CTNNA2: variants seen among roughly 807,000 people sequenced by gnomAD.
CTNNA2 encodes the protein catenin alpha 2.
Under a neutral mutation model 101.0 loss-of-function variants are expected in CTNNA2, and 42 were observed. That is an observed-to-expected ratio of 0.42 (90% CI 0.32 to 0.54). CTNNA2 has a LOEUF of 0.54. Among genes scored for constraint, CTNNA2 ranks in the 20% least tolerant of loss-of-function variants. The pLI, the probability that CTNNA2 is intolerant of heterozygous loss-of-function variation, is 0.14. For synonymous variants in CTNNA2, 450 were observed against 456.4 expected (o/e 0.99, Z 0.18); for missense variants, 871 against 1,223.1 (o/e 0.71, Z 4.29).
chr2:79,863,565 C>A (rs1328823141), intron 4 of CTNNA2, among the ~76,000 whole-genome samples: 2 of 152,138 alleles, frequency 1.3e-5, no homozygotes, highest in African/African-American at 4.8e-5. Context: ...GACAACACAA[C>A]CACTCAGTCA....
chr2:80,591,072 A>G (rs76149682), intron 15 of CTNNA2, among the ~76,000 whole-genome samples: 1,934 of 152,236 alleles, frequency 0.013, 40 homozygotes, highest in African/African-American at 0.042. Context: ...TCATGTTACT[A>G]GTTTTGATCA....
At chr2:80,168,821 T>C (rs1213984147) in intron 7 of CTNNA2, among the ~76,000 whole-genome samples, 1 of 152,068 alleles carries the variant, frequency 6.6e-6, no homozygotes, top group Non-Finnish European at 1.5e-5. Flanking sequence ...GATTCGAATG[T>C]ATAGTAGGGG....
chr2:80,580,184 T>A (rs1349892605), intron 13 of CTNNA2, among the ~76,000 whole-genome samples: 1 of 152,226 alleles, frequency 6.6e-6, no homozygotes, highest in Non-Finnish European at 1.5e-5. Context: ...GAAACCTGCG[T>A]GAGTTAGTGC....
At chr2:79,687,678 C>A (rs1457226659) in intron 2 of CTNNA2, 11 of 559,572 alleles carry the variant, frequency 2.0e-5, no homozygotes, top group African/African-American at 6.0e-5. Flanking sequence ...ATGAAAATAA[C>A]TTAAAAAACT....
chr2:79,235,632 G>A (rs1330915579), intron 2 of CTNNA2, among the ~76,000 whole-genome samples: 1 of 152,194 alleles, frequency 6.6e-6, no homozygotes, highest in Non-Finnish European at 1.5e-5. Flanking sequence ...ATAGGCCCAT[G>A]AACCCAAGCA....
At chr2:80,591,282 C>G (rs1329607308) in intron 15 of CTNNA2, among the ~76,000 whole-genome samples, 1 of 151,898 alleles carries the variant, frequency 6.6e-6, no homozygotes, top group Non-Finnish European at 1.5e-5. Context: ...AATGAAATGT[C>G]TAGGGAGCTA....
chr2:80,392,072 G>A (rs769580244), intron 7 of CTNNA2, among the ~76,000 whole-genome samples: 13 of 152,286 alleles, frequency 8.5e-5, no homozygotes, highest in South Asian at 2.1e-4. Flanking sequence ...TATGGAGAGC[G>A]GGTATGTATG....
chr2:79,300,490 A>C (rs990544151), intron 2 of CTNNA2, among the ~76,000 whole-genome samples: 1 of 152,208 alleles, frequency 6.6e-6, no homozygotes, highest in African/African-American at 2.4e-5. Context: ...GGGAAGGATC[A>C]TGTAGAATTC....
intron 4 of CTNNA2, among the ~76,000 whole-genome samples, chr2:79,495,747 G>A (rs1403253231): frequency 6.6e-6 from 1 of 152,030 alleles, no homozygotes; most frequent in Non-Finnish European, 1.5e-5. Context: ...GGTATATCCA[G>A]AAAAAGTAAT....
intron 2 of CTNNA2, among the ~76,000 whole-genome samples, chr2:79,706,825 T>C (rs1685413278): frequency 6.6e-6 from 1 of 152,150 alleles, no homozygotes; most frequent in African/African-American, 2.4e-5. Context: ...TTTGGAGCTG[T>C]GTACTTTCTT....
At position 79,951,441 on chromosome 2, in the gene CTNNA2, C is replaced by T. The variant is rs139848716; in HGVS notation, c.1056+41644C>T. Reference sequence around the variant, plus strand: ...CAGCACTTTCGGTGGCTGAGGTGGACGGATCACTTGAGGTCAGGATTCGAG... The same window carrying T: ...CAGCACTTTCGGTGGCTGAGGTGGATGGATCACTTGAGGTCAGGATTCGAG... On this transcript the variant is annotated intron_variant, in intron 7 of 18. Coordinates refer to ENST00000402739, the MANE Select transcript of CTNNA2 (RefSeq NM_001282597.3). 4.3e-3 allele frequency among the ~76,000 whole-genome samples: 653 copies of T among 152,026 alleles called. 6 individuals are homozygous for T. Among genetic ancestry groups the T allele is most frequent in the African/African-American group, 0.015 (606 of 41,448 alleles).
At chr2:80,214,904 G>A (rs926184546) in intron 7 of CTNNA2, among the ~76,000 whole-genome samples, 3 of 152,284 alleles carry the variant, frequency 2.0e-5, no homozygotes, top group African/African-American at 4.8e-5. Flanking sequence ...CCAATCAGAC[G>A]TAGATTTGGT....
chr2:80,293,146 G>A (rs1287023316), intron 7 of CTNNA2, among the ~76,000 whole-genome samples: 1 of 152,234 alleles, frequency 6.6e-6, no homozygotes, highest in Non-Finnish European at 1.5e-5. Flanking sequence ...AACAGAGTGA[G>A]TGGTTGTTCT....
chr2:80,468,067 A>G (rs1685001490), intron 9 of CTNNA2, among the ~76,000 whole-genome samples: 1 of 152,166 alleles, frequency 6.6e-6, no homozygotes, highest in South Asian at 2.1e-4. Flanking sequence ...TTCTGTTGCT[A>G]CCAGTGTCCT....
chr2:79,898,030 A>G (rs1684831674), intron 6 of CTNNA2, among the ~76,000 whole-genome samples: 1 of 152,200 alleles, frequency 6.6e-6, no homozygotes, highest in South Asian at 2.1e-4. Context: ...CCTTGGCAAC[A>G]CCTGAATTTT....
intron 2 of CTNNA2, among the ~76,000 whole-genome samples, chr2:79,301,131 C>T (rs1280632144): frequency 6.6e-6 from 1 of 152,174 alleles, no homozygotes; most frequent in African/African-American, 2.4e-5. Context: ...TCTTTTCTCT[C>T]TTCTGTCTAA....
rs117799423 is a variant in CTNNA2, at chr2:80,504,313, C to T, written c.1291-40669C>T. Among the ~76,000 whole-genome samples the T allele has an allele frequency of 2.7e-3, 416 of 152,272 alleles. 1 individual carries two copies. The highest frequency in any genetic ancestry group is 0.014 in the Middle Eastern group (4 of 294). On this transcript the variant is annotated intron_variant, in intron 9 of 18. Transcript: ENST00000402739. Reference sequence around the variant, plus strand: ...CCACATGGTTCTCTCCACTGTAGAGCGAGTTTTTTAATTTATTAGGAGAGC... The same window carrying T: ...CCACATGGTTCTCTCCACTGTAGAGTGAGTTTTTTAATTTATTAGGAGAGC...
At chr2:79,318,250 A>G (rs981711111) in intron 3 of CTNNA2, among the ~76,000 whole-genome samples, 1 of 152,164 alleles carries the variant, frequency 6.6e-6, no homozygotes, top group Non-Finnish European at 1.5e-5. Flanking sequence ...ATTGGACTTA[A>G]GAATGGTGAT....
intron 7 of CTNNA2, among the ~76,000 whole-genome samples, chr2:80,070,335 T>C (rs1313379635): frequency 6.6e-6 from 1 of 152,170 alleles, no homozygotes; most frequent in Non-Finnish European, 1.5e-5. Flanking sequence ...GTGAGAAGTG[T>C]ATTAGTTTCC....
Sources: gnomAD v4.1 joint callset for allele counts (sites outside exome capture counted in the v4.1 genomes callset) on GRCh38, gnomAD v4.1.1 for gene constraint, MANE v1.5 for transcripts, NCBI Gene and HGNC (gene_info 2026-07-23, HGNC 2026-07-21) for gene names.